MBNL1: variants seen among roughly 807,000 people sequenced by gnomAD.
MBNL1 encodes muscleblind-like protein 1.
A neutral mutation model predicts 42.2 loss-of-function variants in MBNL1; 8 were observed. The observed-to-expected ratio is 0.19, with a 90% CI of 0.11 to 0.34. The LOEUF is 0.34. Among genes scored for constraint, MBNL1 ranks in the 10% least tolerant of loss-of-function variants. The pLI is 1.00. For missense variants in MBNL1, 309 were observed against 495.3 expected, an observed-to-expected ratio of 0.62 and a Z score of 3.57; for synonymous variants, 169 against 173.9, an observed-to-expected ratio of 0.97 and a Z score of 0.22.
At chr3:152,439,678 T>G (rs754494644) in intron 4 of MBNL1, among the ~76,000 whole-genome samples, 1 of 152,154 alleles carries the variant, frequency 6.6e-6, no homozygotes, top group African/African-American at 2.4e-5. Flanking sequence ...AGTTTTGATA[T>G]GGTATAGAGT....
At chr3:152,437,091 T>C (rs776376515) in intron 4 of MBNL1, among the ~76,000 whole-genome samples, 4 of 152,230 alleles carry the variant, frequency 2.6e-5, no homozygotes, top group Admixed American at 1.3e-4. Context: ...TGGCAATAAA[T>C]GCACACACTT....
intron 3 of MBNL1, among the ~76,000 whole-genome samples, chr3:152,423,744 C>T (rs1286592597): frequency 6.6e-6 from 1 of 152,144 alleles, no homozygotes. Context: ...ATGATCAAGT[C>T]GGTTTCATCC....
At chr3:152,251,882 A>G (rs1364377126) in intron 2 of MBNL1, among the ~76,000 whole-genome samples, 3 of 152,022 alleles carry the variant, frequency 2.0e-5, no homozygotes, top group African/African-American at 7.2e-5. Context: ...GTCAAATGCA[A>G]TCTTTACTAT....
chr3:152,315,002 A>G (rs117904584), intron 2 of MBNL1, among the ~76,000 whole-genome samples: 12 of 152,304 alleles, frequency 7.9e-5, no homozygotes, highest in East Asian at 7.7e-4. Context: ...TCTGCTGTGT[A>G]TTATTGATTT....
chr3:152,280,388 T>C (rs1343209422), intron 1 of MBNL1, among the ~76,000 whole-genome samples: 3 of 152,178 alleles, frequency 2.0e-5, no homozygotes, highest in Non-Finnish European at 4.4e-5. Flanking sequence ...AATGATGTGA[T>C]TTGATATGTA....
At chr3:152,258,479 T>A (rs2035762247) in intron 2 of MBNL1, among the ~76,000 whole-genome samples, 1 of 152,190 alleles carries the variant, frequency 6.6e-6, no homozygotes, top group South Asian at 2.1e-4. Context: ...AAAAAGTGTG[T>A]GGGTCATGTG....
intron 2 of MBNL1, among the ~76,000 whole-genome samples, chr3:152,368,364 G>A (rs574600118): frequency 2.0e-4 from 31 of 152,120 alleles, no homozygotes; most frequent in African/African-American, 7.2e-4. Context: ...TGTTCCATTG[G>A]TCTATATATC....
At chr3:152,340,747 G>C in intron 2 of MBNL1, 2 of 1,614,050 alleles carry the variant, frequency 1.2e-6, no homozygotes, top group South Asian at 2.2e-5. Context: ...TGGCTGAGAA[G>C]CATCCAGGCC....
chr3:152,380,333 A>G (rs2097128184), intron 2 of MBNL1, among the ~76,000 whole-genome samples: 1 of 152,134 alleles, frequency 6.6e-6, no homozygotes, highest in Non-Finnish European at 1.5e-5. Context: ...CACGCTCCTT[A>G]TCTTCCAAAT....
chr3:152,409,089 A>C (rs967745490), intron 2 of MBNL1, among the ~76,000 whole-genome samples: 32 of 152,230 alleles, frequency 2.1e-4, no homozygotes, highest in African/African-American at 7.7e-4. Flanking sequence ...CAGTACTTGC[A>C]AAAGCCAGTA....
At chr3:152,448,349 G>A (rs547201848) in intron 6 of MBNL1, among the ~76,000 whole-genome samples, 1 of 152,196 alleles carries the variant, frequency 6.6e-6, no homozygotes, top group East Asian at 1.9e-4. Context: ...TTATTATGGA[G>A]TTCTACATTT....
chr3:152,425,136 G>A (rs1553921528), intron 3 of MBNL1, among the ~76,000 whole-genome samples: 1 of 151,942 alleles, frequency 6.6e-6, no homozygotes, highest in Non-Finnish European at 1.5e-5. Context: ...TACAGAACGG[G>A]AGAAGATTTT....
intron 1 of MBNL1, among the ~76,000 whole-genome samples, chr3:152,289,036 A>C (rs1223915031): frequency 6.6e-6 from 1 of 152,154 alleles, no homozygotes; most frequent in Admixed American, 6.5e-5. Flanking sequence ...AATATAGAAA[A>C]ATATGTTATT....
intron 2 of MBNL1, among the ~76,000 whole-genome samples, chr3:152,348,924 G>C (rs549266073): frequency 2.4e-4 from 36 of 152,158 alleles, no homozygotes; most frequent in African/African-American, 7.9e-4. Context: ...TTGAGAAAAA[G>C]GTTGGGGAAG....
upstream of MBNL1, chr3:152,265,459 G>C (rs1268956229): frequency 6.6e-6 from 1 of 151,878 alleles, no homozygotes; most frequent in Non-Finnish European, 1.5e-5. Context: ...GGCAGTGAGA[G>C]CTTATTGAGC....
intron 3 of MBNL1, among the ~76,000 whole-genome samples, chr3:152,416,443 T>A (rs753201403): frequency 2.0e-5 from 3 of 152,298 alleles, no homozygotes; most frequent in South Asian, 4.1e-4. Context: ...GTTAAAAAAA[T>A]TAGCTATAAT....
chr3:152,359,603 G>T (rs1227818148), intron 2 of MBNL1, among the ~76,000 whole-genome samples: 1 of 152,174 alleles, frequency 6.6e-6, no homozygotes, highest in Non-Finnish European at 1.5e-5. Context: ...GTGTAAGCTG[G>T]CTCCTGCACA....
intron 6 of MBNL1, among the ~76,000 whole-genome samples, chr3:152,448,887 G>A (rs1715881961): frequency 6.6e-6 from 1 of 152,164 alleles, no homozygotes; most frequent in Non-Finnish European, 1.5e-5. Flanking sequence ...TCCACTAGCT[G>A]AAATAGCCAG....
At chr3:152,246,373 T>C (rs1349634048) in intron 2 of MBNL1, among the ~76,000 whole-genome samples, 1 of 152,044 alleles carries the variant, frequency 6.6e-6, no homozygotes, top group African/African-American at 2.4e-5. Flanking sequence ...GTTGTTGTTG[T>C]CAATAATTAG....
Sources: gnomAD v4.1 joint callset for allele counts (sites outside exome capture counted in the v4.1 genomes callset) on GRCh38, gnomAD v4.1.1 for gene constraint, MANE v1.5 for transcripts, NCBI Gene and HGNC (gene_info 2026-07-23, HGNC 2026-07-21) for gene names.